Variants in GPHN observed in about 807,000 individuals in gnomAD.
GPHN encodes gephyrin.
Under a neutral mutation model 95.5 loss-of-function variants are expected in GPHN, and 17 were observed. The ratio of observed to expected loss-of-function variants is 0.18; its 90% CI spans 0.12 to 0.27. GPHN has a LOEUF of 0.27. GPHN is among the 10% of genes least tolerant of loss of function. The pLI is 1.00. For missense variants in GPHN, 660 were observed against 978.1 expected, an observed-to-expected ratio of 0.67 and a Z score of 4.34; for synonymous variants, 320 against 322.5, an observed-to-expected ratio of 0.99 and a Z score of 0.08.
the GPHN span, among the ~76,000 whole-genome samples, chr14:67,499,899 A>G: frequency 6.6e-6 from 1 of 152,124 alleles, no homozygotes; most frequent in Non-Finnish European, 1.5e-5. Flanking sequence ...ATCCTCCACC[A>G]TCTGAAGACA....
chr14:67,258,960 ACCCTC>A, the GPHN span, among the ~76,000 whole-genome samples: 162 of 151,490 alleles, frequency 1.1e-3, no homozygotes, highest in African/African-American at 3.7e-3. Flanking sequence ...TTCCTGCCTC[ACCCTC>A]CCGAGTAGCT....
chr14:66,624,022 C>T (rs1466848856), intron 1 of GPHN, among the ~76,000 whole-genome samples: 1 of 152,176 alleles, frequency 6.6e-6, no homozygotes, highest in East Asian at 1.9e-4. Flanking sequence ...AAAAAGTCTA[C>T]ACAGTGCTCC....
intron 18 of GPHN, among the ~76,000 whole-genome samples, chr14:67,150,209 G>A (rs1036592017): frequency 8.6e-5 from 13 of 151,852 alleles, no homozygotes; most frequent in African/African-American, 2.2e-4. Flanking sequence ...TTGGGAGGCC[G>A]AGGCGGGCGG....
the GPHN span, among the ~76,000 whole-genome samples, chr14:67,484,478 C>T: frequency 6.6e-6 from 1 of 152,176 alleles, no homozygotes; most frequent in African/African-American, 2.4e-5. Flanking sequence ...GCAACATGTG[C>T]TCACAGCTGA....
chr14:67,235,470 C>T, the GPHN span, among the ~76,000 whole-genome samples: 1 of 152,122 alleles, frequency 6.6e-6, no homozygotes, highest in Admixed American at 6.5e-5. Flanking sequence ...AATCCCAGCA[C>T]TTTGGGAGGC....
At chr14:67,140,325 A>G (rs546745393) in intron 17 of GPHN, among the ~76,000 whole-genome samples, 2 of 151,962 alleles carry the variant, frequency 1.3e-5, no homozygotes, top group South Asian at 4.2e-4. Context: ...CAGAGGTTGC[A>G]GTGAGCCGAG....
chr14:66,892,805 ATG>A (rs2064593756), intron 5 of GPHN, among the ~76,000 whole-genome samples: 1 of 152,160 alleles, frequency 6.6e-6, no homozygotes, highest in Non-Finnish European at 1.5e-5. Flanking sequence ...AGTTCTGGAG[ATG>A]GACAGTGGTG....
chr14:67,322,784 A>C, the GPHN span, among the ~76,000 whole-genome samples: 306 of 152,320 alleles, frequency 2.0e-3, no homozygotes, highest in African/African-American at 6.9e-3. Flanking sequence ...TATTGTTTTA[A>C]TCATCTTAAT....
intron 14 of GPHN, among the ~76,000 whole-genome samples, chr14:67,111,463 C>T (rs2078366990): frequency 6.6e-6 from 1 of 152,246 alleles, no homozygotes; most frequent in Admixed American, 6.5e-5. Flanking sequence ...GTATTGAACC[C>T]ATGATTCATG....
chr14:66,976,665 T>A (rs1221203483), intron 9 of GPHN, among the ~76,000 whole-genome samples: 1 of 152,196 alleles, frequency 6.6e-6, no homozygotes, highest in East Asian at 1.9e-4. Flanking sequence ...TGAATATTTT[T>A]AAATGCATAT....
chr14:67,589,755 A>G, the GPHN span: 4 of 1,033,974 alleles, frequency 3.9e-6, no homozygotes, highest in Non-Finnish European at 4.6e-6. Context: ...TTGCTTCACA[A>G]ACATCAACAA....
At chr14:66,888,688 A>G (rs1403923374) in intron 5 of GPHN, among the ~76,000 whole-genome samples, 1 of 152,156 alleles carries the variant, frequency 6.6e-6, no homozygotes, top group East Asian at 1.9e-4. Context: ...AAAAGCTATA[A>G]GGCATATGGA....
the GPHN span, among the ~76,000 whole-genome samples, chr14:67,192,086 G>A: frequency 1.3e-5 from 2 of 152,214 alleles, no homozygotes; most frequent in African/African-American, 4.8e-5. Flanking sequence ...TCCATTCTTT[G>A]TGCCACCCTC....
the GPHN span, among the ~76,000 whole-genome samples, chr14:67,249,541 C>T: frequency 1.3e-5 from 2 of 152,182 alleles, no homozygotes; most frequent in African/African-American, 4.8e-5. Flanking sequence ...CACAAACCAA[C>T]AGATGTGAAA....
chr14:67,412,152 G>A, the GPHN span: 2 of 1,163,338 alleles, frequency 1.7e-6, no homozygotes, highest in Non-Finnish European at 2.3e-6. Context: ...CCGCGCCCAC[G>A]GCGCCCAGGA....
chr14:66,704,453 A>G (rs2068871463), intron 2 of GPHN, among the ~76,000 whole-genome samples: 1 of 152,052 alleles, frequency 6.6e-6, no homozygotes. Flanking sequence ...AACTGAAATC[A>G]TAACAGTCTC....
At chr14:67,078,264 T>C (rs1313161934) in intron 11 of GPHN, among the ~76,000 whole-genome samples, 1 of 152,152 alleles carries the variant, frequency 6.6e-6, no homozygotes, top group Admixed American at 6.6e-5. Context: ...CTTTTGCTTA[T>C]TATAAATGGG....
chr14:67,236,587 G>A, the GPHN span, among the ~76,000 whole-genome samples: 1 of 152,156 alleles, frequency 6.6e-6, no homozygotes. Flanking sequence ...AACCTGTACT[G>A]AATTACACTG....
chr14:66,983,922 AG>A (rs1031105541), intron 9 of GPHN, among the ~76,000 whole-genome samples: 1 of 152,208 alleles, frequency 6.6e-6, no homozygotes, highest in Non-Finnish European at 1.5e-5. Context: ...AGGCCTGCTA[AG>A]GGAATGCTAC....
Sources: allele counts gnomAD v4.1 joint callset (sites outside exome capture counted in the v4.1 genomes callset), GRCh38; gene constraint gnomAD v4.1.1; transcripts MANE v1.5; gene names NCBI Gene and HGNC (gene_info 2026-07-23, HGNC 2026-07-21).